Variants in MTA3 observed in about 807,000 individuals in gnomAD.
The protein encoded by MTA3 is metastasis-associated protein MTA3.
A neutral mutation model predicts 83.5 loss-of-function variants in MTA3; 34 were observed. That is an observed-to-expected ratio of 0.41 (90% CI 0.31 to 0.54). MTA3 has a LOEUF of 0.54. MTA3 is among the 20% of genes least tolerant of loss of function. MTA3 has a pLI of 0.33. For synonymous variants in MTA3, 303 were observed against 252.7 expected (o/e 1.20, Z -1.89); for missense variants, 761 against 726.4 (o/e 1.05, Z -0.55).
intron 4 of MTA3, among the ~76,000 whole-genome samples, chr2:42,639,772 G>T (rs1573427574): frequency 6.6e-6 from 1 of 152,194 alleles, no homozygotes. Context: ...CCATTGGTTT[G>T]TGTGGTGGTG....
chr2:42,588,041 TATA>T (rs989637121), intron 3 of MTA3, among the ~76,000 whole-genome samples: 1 of 152,200 alleles, frequency 6.6e-6, no homozygotes, highest in Non-Finnish European at 1.5e-5. Context: ...CTTGGATTTT[TATA>T]ATAATAGTAT....
intron 2 of MTA3, among the ~76,000 whole-genome samples, chr2:42,526,593 T>C (rs1675719975): frequency 6.6e-6 from 1 of 152,200 alleles, no homozygotes; most frequent in African/African-American, 2.4e-5. Context: ...TATGATCCCC[T>C]ATTTTGGGAC....
chr2:42,553,188 G>T (rs2103780809), intron 2 of MTA3, among the ~76,000 whole-genome samples: 1 of 152,160 alleles, frequency 6.6e-6, no homozygotes. Flanking sequence ...CACTTTGGGA[G>T]GCCAAGGTGG....
intron 8 of MTA3, among the ~76,000 whole-genome samples, chr2:42,660,144 A>T (rs1414367059): frequency 1.3e-5 from 2 of 151,362 alleles, no homozygotes; most frequent in East Asian, 3.9e-4. Context: ...GCTGGAGTGC[A>T]GTGGCATGAT....
intron 9 of MTA3, among the ~76,000 whole-genome samples, chr2:42,689,033 A>G (rs961866363): frequency 6.6e-6 from 1 of 152,124 alleles, no homozygotes; most frequent in African/African-American, 2.4e-5. Context: ...GAGAGTTTTT[A>G]AAAAAATCAT....
Position 42,736,185 on chromosome 2 carries a change from G to T in MTA3, c.1759+13150G>T, listed in dbSNP as rs117912490. ...GGGGCACCTCCAGCCCAGTAATGCT[G>T]TGTCTCTTGCCTTGGTTGTCTTGGG... On this transcript the variant is annotated intron_variant, in intron 16 of 16. Coordinates refer to ENST00000405094, the MANE Select transcript of MTA3 (RefSeq NM_001330442.2). 4.9e-4 allele frequency among the ~76,000 whole-genome samples: 74 copies of T among 152,328 alleles called. No individual in the cohort carries two copies. In the East Asian group the frequency reaches 0.01, roughly 21 times the overall value.
intron 16 of MTA3, among the ~76,000 whole-genome samples, chr2:42,724,474 A>G (rs1667674473): frequency 6.6e-6 from 1 of 151,642 alleles, no homozygotes; most frequent in Admixed American, 6.6e-5. Context: ...ACACAGAGAG[A>G]CCCTGTCTCT....
chr2:42,692,913 G>A (rs1693034448), intron 9 of MTA3, among the ~76,000 whole-genome samples: 1 of 152,200 alleles, frequency 6.6e-6, no homozygotes, highest in Non-Finnish European at 1.5e-5. Flanking sequence ...GCTTGTTTGT[G>A]TCCGTCCTTC....
At chr2:42,724,346 C>G (rs977389694) in intron 16 of MTA3, among the ~76,000 whole-genome samples, 1 of 113,806 alleles carries the variant, frequency 8.8e-6, no homozygotes, top group Non-Finnish European at 1.9e-5. Flanking sequence ...ATATTCTTTT[C>G]GGTAAAAAGA....
At chr2:42,739,749 T>A (rs150642636) in intron 16 of MTA3, among the ~76,000 whole-genome samples, 1 of 150,806 alleles carries the variant, frequency 6.6e-6, no homozygotes, top group Non-Finnish European at 1.5e-5. Context: ...CTTTACCAAC[T>A]AAGTTTATGT....
intron 2 of MTA3, among the ~76,000 whole-genome samples, chr2:42,518,837 G>A (rs6708620): frequency 0.38 from 57,733 of 151,716 alleles, 11,305 homozygotes; most frequent in African/African-American, 0.47. Context: ...ATGGTGGGGC[G>A]AGCCTGTCGC....
chr2:42,616,727 C>T (rs1417818078), intron 4 of MTA3, among the ~76,000 whole-genome samples: 3 of 151,490 alleles, frequency 2.0e-5, no homozygotes, highest in Admixed American at 6.6e-5. Flanking sequence ...TACAAGCTCA[C>T]GCCACTATGC....
intron 5 of MTA3, 86 bp from the exon 6 acceptor site, chr2:42,644,041 A>G: frequency 2.7e-6 from 2 of 753,046 alleles, no homozygotes. Flanking sequence ...TGGGGTTTAT[A>G]TGTTCATTGT....
rs1670041170 is a variant in MTA3 at position 42,753,586 on chromosome 2, C to CA, written c.*188dup. 1 of 1,409,966 alleles carries CA rather than the reference C, an allele frequency of 7.1e-7. No homozygotes were observed. The highest frequency in any genetic ancestry group is 1.5e-5 in the South Asian group (1 of 65,970). The allele number at this position is 1,409,966 out of a possible 1,614,324, so 87.3% of individuals were successfully genotyped here. A position where few individuals can be genotyped will look rare whatever the true frequency, so the allele number is the denominator to read the frequency against. On this transcript the variant is annotated 3_prime_UTR_variant, in exon 17 of 17. Coordinates refer to ENST00000405094, the MANE Select transcript of MTA3 (RefSeq NM_001330442.2). ...GTGCACGTTCCAAATCCTGTGTCTC[C>CA]ACGTGTGGATCAGCAGCACCTCGCT...
At chr2:42,526,692 G>A (rs1416327821) in intron 2 of MTA3, among the ~76,000 whole-genome samples, 5 of 152,088 alleles carry the variant, frequency 3.3e-5, no homozygotes, top group African/African-American at 1.2e-4. Context: ...TGAAACAACA[G>A]GGTGAATAAA....
intron 2 of MTA3, among the ~76,000 whole-genome samples, 200 bp downstream of exon 2, chr2:42,570,704 T>A (rs564565507): frequency 7.2e-5 from 11 of 152,010 alleles, no homozygotes; most frequent in South Asian, 2.1e-4. Flanking sequence ...TATTTTTTTT[T>A]AATTAATATA....
chr2:42,693,155 G>T (rs932132926), intron 9 of MTA3, among the ~76,000 whole-genome samples: 6 of 152,090 alleles, frequency 3.9e-5, no homozygotes, highest in Non-Finnish European at 4.4e-5. Flanking sequence ...TGAGCTACCT[G>T]GAACTGGGGT....
At chr2:42,729,090 T>TTTTTTTTTG (rs1668042587) in intron 16 of MTA3, among the ~76,000 whole-genome samples, 1 of 106,194 alleles carries the variant, frequency 9.4e-6, no homozygotes, top group Non-Finnish European at 1.8e-5. Context: ...GTTTGAGTTT[T>TTTTTTTTTG]TTTTTTTTTT....
chr2:42,696,989 C>T (rs1558593074), intron 10 of MTA3, among the ~76,000 whole-genome samples: 1 of 152,306 alleles, frequency 6.6e-6, no homozygotes, highest in African/African-American at 2.4e-5. Context: ...AATATTCTTT[C>T]CAAAAACTTC....
Sources: allele counts gnomAD v4.1 joint callset (sites outside exome capture counted in the v4.1 genomes callset), GRCh38; gene constraint gnomAD v4.1.1; transcripts MANE v1.5; gene names NCBI Gene and HGNC (gene_info 2026-07-23, HGNC 2026-07-21).